The following ZNF521 variants were observed in gnomAD, a reference collection of about 807,000 sequenced individuals.
ZNF521 encodes zinc finger protein 521.
In ZNF521, 14 loss-of-function variants were observed where a neutral mutation model predicts 105.5. The observed-to-expected ratio is 0.13, with a 90% CI of 0.09 to 0.21. The LOEUF (loss-of-function observed/expected upper bound fraction) is 0.21, where lower values mean the gene tolerates loss of function less well. ZNF521 is among the 10% of genes least tolerant of loss of function. The pLI, the probability that ZNF521 is intolerant of heterozygous loss-of-function variation, is 1.00. For synonymous variants in ZNF521, 635 were observed against 606.0 expected (o/e 1.05, Z -0.70); for missense variants, 1,233 against 1,629.7 (o/e 0.76, Z 4.19).
At chr18:25,279,779 C>A (rs1353118649) in intron 3 of ZNF521, among the ~76,000 whole-genome samples, 2 of 152,222 alleles carry the variant, frequency 1.3e-5, no homozygotes, top group East Asian at 3.9e-4. Context: ...TAATGACTAA[C>A]CACTTGAGCT....
rs530442609 is a variant in ZNF521, at chr18:25,118,169, C to G, written c.3659-26088G>C. ...GTATTAAAATACTACAGAAATCTGTCAACCTATAATTTTATATCCAATAAA... is the reference window on the plus strand; with the variant it reads ...GTATTAAAATACTACAGAAATCTGTGAACCTATAATTTTATATCCAATAAA... On this transcript the variant is annotated intron_variant, in intron 5 of 7. Coordinates refer to ENST00000361524, the MANE Select transcript of ZNF521 (RefSeq NM_015461.3). 8.5e-5 allele frequency among the ~76,000 whole-genome samples: 13 copies of G among 152,068 alleles called. No individual in the cohort carries two copies. In the South Asian group the frequency reaches 2.5e-3, roughly 29 times the overall value.
intron 2 of ZNF521, among the ~76,000 whole-genome samples, chr18:25,342,183 AT>A (rs774410908): frequency 1.9e-4 from 29 of 152,230 alleles, no homozygotes; most frequent in Non-Finnish European, 3.8e-4. Flanking sequence ...CCAGGAATTA[AT>A]ATGCACTCCC....
intron 5 of ZNF521, among the ~76,000 whole-genome samples, chr18:25,113,431 T>A (rs2034235560): frequency 6.6e-6 from 1 of 152,220 alleles, no homozygotes. Flanking sequence ...TCATGGATTA[T>A]GTATCTTGCA....
chr18:25,144,516 G>A, intron 5 of ZNF521, among the ~76,000 whole-genome samples: 1 of 152,094 alleles, frequency 6.6e-6, no homozygotes, highest in East Asian at 1.9e-4. Flanking sequence ...AAGAAAAGTA[G>A]AAATATATAA....
chr18:25,341,528 C>T (rs1006271334), intron 2 of ZNF521, among the ~76,000 whole-genome samples: 1 of 152,132 alleles, frequency 6.6e-6, no homozygotes, highest in African/African-American at 2.4e-5. Context: ...ACATCACTGA[C>T]CTAAGTACAA....
At chr18:25,260,542 T>C (rs1908835381) in intron 3 of ZNF521, among the ~76,000 whole-genome samples, 1 of 152,168 alleles carries the variant, frequency 6.6e-6, no homozygotes, top group African/African-American at 2.4e-5. Flanking sequence ...TTTTAAAAAT[T>C]CAATGGAAAA....
At chr18:25,293,696 T>C (rs1264740883) in intron 3 of ZNF521, among the ~76,000 whole-genome samples, 9 of 152,220 alleles carry the variant, frequency 5.9e-5, no homozygotes, top group Admixed American at 4.6e-4. Context: ...TAAATAGTAT[T>C]GTATGGCTTT....
chr18:25,088,526 T>C (rs2033676633), intron 7 of ZNF521, among the ~76,000 whole-genome samples: 1 of 152,046 alleles, frequency 6.6e-6, no homozygotes, highest in Non-Finnish European at 1.5e-5. Flanking sequence ...GCCAACAGAA[T>C]AATTTTCAGT....
intron 3 of ZNF521, among the ~76,000 whole-genome samples, chr18:25,281,968 C>G (rs1223375569): frequency 2.0e-5 from 3 of 152,104 alleles, no homozygotes; most frequent in East Asian, 1.9e-4. Context: ...CTAGGCAAAG[C>G]TTTTTGCCTT....
chr18:25,270,718 A>G (rs1439102974), intron 3 of ZNF521, among the ~76,000 whole-genome samples: 1 of 152,236 alleles, frequency 6.6e-6, no homozygotes, highest in Non-Finnish European at 1.5e-5. Context: ...CTTTGACAAA[A>G]TTCAACAGCC....
intron 4 of ZNF521, among the ~76,000 whole-genome samples, chr18:25,209,688 A>G (rs909196352): frequency 6.6e-6 from 1 of 152,136 alleles, no homozygotes; most frequent in Non-Finnish European, 1.5e-5. Context: ...CTTAAATGTT[A>G]TTTCTCCAAG....
At chr18:25,115,554 A>C (rs2034285588) in intron 5 of ZNF521, among the ~76,000 whole-genome samples, 1 of 152,200 alleles carries the variant, frequency 6.6e-6, no homozygotes, top group African/African-American at 2.4e-5. Flanking sequence ...TTATATAGTA[A>C]AGACTCTCTA....
intron 3 of ZNF521, among the ~76,000 whole-genome samples, chr18:25,281,016 C>T (rs998786555): frequency 6.6e-6 from 1 of 152,146 alleles, no homozygotes; most frequent in African/African-American, 2.4e-5. Context: ...ATCCTTACAC[C>T]TGTCTTGCCC....
rs2034890699 is a variant in ZNF521, at chr18:25,143,585, G to A, written c.3659-51504C>T. On this transcript the variant is annotated intron_variant, in intron 5 of 7. Coordinates refer to ENST00000361524, the MANE Select transcript of ZNF521 (RefSeq NM_015461.3). ...AAGTGATATGACATATATAGTATTT[G>A]TAACTATCTTCATGAAGCTTTCTTC... Among the ~76,000 whole-genome samples the A allele has an allele frequency of 2.6e-5, 4 of 152,088 alleles. No individual in the cohort carries two copies. In the South Asian group the frequency reaches 8.3e-4, roughly 32 times the overall value.
At chr18:25,079,454 C>A (rs2033440312) in intron 7 of ZNF521, among the ~76,000 whole-genome samples, 1 of 152,226 alleles carries the variant, frequency 6.6e-6, no homozygotes, top group South Asian at 2.1e-4. Flanking sequence ...TTCTAATCGA[C>A]ATTTTCTAAA....
chr18:25,212,372 T>C (rs1310159753), intron 4 of ZNF521, among the ~76,000 whole-genome samples: 1 of 150,438 alleles, frequency 6.6e-6, no homozygotes, highest in Non-Finnish European at 1.5e-5. Context: ...CAGCTGGGCA[T>C]GGTGGCGCAC....
chr18:25,174,429 C>T (rs2035500620), intron 5 of ZNF521, among the ~76,000 whole-genome samples: 1 of 152,164 alleles, frequency 6.6e-6, no homozygotes, highest in African/African-American at 2.4e-5. Flanking sequence ...TTAGTCTCTA[C>T]TCATAAGGGG....
chr18:25,183,754 C>T (rs1373530955), intron 5 of ZNF521, among the ~76,000 whole-genome samples: 1 of 152,112 alleles, frequency 6.6e-6, no homozygotes, highest in African/African-American at 2.4e-5. Flanking sequence ...ACTCCGCAAG[C>T]CCATTCATCA....
chr18:25,282,277 G>T (rs1291798440), intron 3 of ZNF521, among the ~76,000 whole-genome samples: 1 of 152,156 alleles, frequency 6.6e-6, no homozygotes, highest in Non-Finnish European at 1.5e-5. Context: ...GAGCCAGGTA[G>T]GAAGGCAGAA....
Sources: allele counts gnomAD v4.1 joint callset (sites outside exome capture counted in the v4.1 genomes callset), GRCh38; gene constraint gnomAD v4.1.1; transcripts MANE v1.5; gene names NCBI Gene and HGNC (gene_info 2026-07-23, HGNC 2026-07-21).